The following OR6C75 variants were observed in gnomAD, a reference collection of about 807,000 sequenced individuals.
The protein encoded by OR6C75 is olfactory receptor family 6 subfamily C member 75.
For synonymous variants in OR6C75, 149 were observed against 130.6 expected, an observed-to-expected ratio of 1.14 and a Z score of -0.96; for missense variants, 380 against 368.0, an observed-to-expected ratio of 1.03 and a Z score of -0.27.
At chr12:55,364,678 A>G (rs1303981743) in intron 2 of OR6C75, among the ~76,000 whole-genome samples, 198 bp from the exon 3 acceptor site, 1 of 152,038 alleles carries the variant, frequency 6.6e-6, no homozygotes, top group Admixed American at 6.6e-5. Context: ...ATCTTTCTAT[A>G]TGTGTATATA....
rs1225631987 is a variant in OR6C75 at position 55,365,917 on chromosome 12, C to A, written c.807C>A (p.Ser269Arg). The A allele has an allele frequency of 2.5e-6, 4 of 1,613,712 alleles. No individual in the cohort carries two copies. The highest frequency in any genetic ancestry group is 3.4e-6 in the Non-Finnish European group (4 of 1,179,826). ...CTGCCAGAGAAAGGGTGACTTTAAG[C>A]AAAGGAGTAGCTGTGCTCAATACCT... Reference protein sequence around the residue: ...KTSARERVTLSKGVAVLNTSV... With the variant: ...KTSARERVTLRKGVAVLNTSV... The change falls in exon 3 of 3, where the codon AGC (serine) becomes AGA (arginine). Residue 269 changes from serine to arginine, a missense_variant. Transcript: ENST00000641576.
rs1295297414 is a variant in OR6C75 at position 55,365,700 on chromosome 12, C to T, written c.590C>T (p.Ala197Val). Reference protein sequence around the residue: ...CTNTHFLELMAFFLAVVTLMV... With the variant: ...CTNTHFLELMVFFLAVVTLMV... Reference sequence around the variant, plus strand: ...AACACTCACTTTCTAGAACTCATGGCATTTTTTTTAGCTGTGGTAACACTG... The same window carrying T: ...AACACTCACTTTCTAGAACTCATGGTATTTTTTTTAGCTGTGGTAACACTG... Residue 197 changes from alanine to valine, a missense_variant, in exon 3 of 3, where the codon GCA (alanine) becomes GTA (valine). Coordinates refer to ENST00000641576, the MANE Select transcript of OR6C75 (RefSeq NM_001005497.2). The T allele has an allele frequency of 6.2e-7, 1 of 1,613,862 alleles. No homozygotes were observed. The highest frequency in any genetic ancestry group is 8.5e-7 in the Non-Finnish European group (1 of 1,179,908).
chr12:55,364,852 A>AAT (rs200647431), intron 2 of OR6C75, 24 bp from the exon 3 acceptor site: 364 of 358,626 alleles, frequency 1.0e-3, no homozygotes, highest in African/African-American at 5.2e-3. Context: ...GAAGATATTG[A>AAT]ATATATATAT....
Position 55,366,168 on chromosome 12 carries a change from A to T in OR6C75, c.*119A>T. The T allele has an allele frequency of 1.6e-6, 1 of 617,552 alleles. No homozygotes were observed. The allele number at this position is 617,552 out of a possible 1,614,324, so 38.3% of individuals were successfully genotyped here. On this transcript the variant is annotated 3_prime_UTR_variant, in exon 3 of 3. Transcript: ENST00000641576. The stretch of plus-strand genomic sequence containing the variant: ...CACACTTTTAGTTAGACATAGTTAC[A>T]TATCATCAACACTTCTTAATGAAAT...
In OR6C75 at chr12:55,365,427, G is replaced by C. The variant is rs1169991420; in HGVS notation, c.317G>C (p.Gly106Ala). The change falls in exon 3 of 3, where the codon GGG (glycine) becomes GCG (alanine). Residue 106 changes from glycine to alanine, a missense_variant. Gly to Ala is a moderately conservative substitution (Grantham distance 60). Transcript: ENST00000641576. ...VAQLFFFIFL[G>A]VTEFYLLAAM... The stretch of plus-strand genomic sequence containing the variant: ...CAGCTATTTTTTTTCATCTTCTTGG[G>C]GGTGACAGAATTTTACCTTCTGGCT... 1 of 1,613,850 alleles carries C rather than the reference G, an allele frequency of 6.2e-7. No individual in the cohort carries two copies.
At chr12:55,364,286 A>AT (rs960611736) in intron 2 of OR6C75, among the ~76,000 whole-genome samples, 5 of 45,238 alleles carry the variant, frequency 1.1e-4, no homozygotes, top group Non-Finnish European at 2.6e-4. Context: ...CCTAAAGTTA[A>AT]TTTTTTTTAC....
In OR6C75 at chr12:55,365,938, T is replaced by C; in HGVS notation, c.828T>C (p.Asn276=). The C allele has an allele frequency of 6.2e-7, 1 of 1,613,658 alleles. No homozygotes were observed. Residue 276 remains asparagine (N), a synonymous_variant, in exon 3 of 3, where the codon AAT becomes AAC. Coordinates refer to ENST00000641576, the MANE Select transcript of OR6C75 (RefSeq NM_001005497.2). ...TAAGCAAAGGAGTAGCTGTGCTCAA[T>C]ACCTCAGTGGCTCCTCTCTTGAATC... ...VTLSKGVAVL[N]TSVAPLLNPF... is the part of the protein sequence containing the mutation.
intron 2 of OR6C75, 134 bp from the exon 3 acceptor site, chr12:55,364,742 A>G: frequency 5.6e-6 from 1 of 177,720 alleles, no homozygotes; most frequent in Admixed American, 5.6e-5. Context: ...CACATCCCAT[A>G]GTTACCTTCT....
rs375776998 is a variant in OR6C75 at position 55,366,028 on chromosome 12, G to A, written c.918G>A (p.Met306Ile). 6.4e-7 allele frequency: 1 copy of A among 1,566,438 alleles called. No individual in the cohort carries two copies. Among genetic ancestry groups the A allele is most frequent in the Non-Finnish European group, 8.6e-7 (1 of 1,159,560 alleles). The change falls in exon 3 of 3, where the codon ATG becomes ATA. Residue 306 changes from methionine to isoleucine, a missense_variant. Physicochemically the swap from Met to Ile is conservative, Grantham distance 10. Coordinates refer to ENST00000641576, the MANE Select transcript of OR6C75 (RefSeq NM_001005497.2). ...KQAFKSMVQK[M>I]IFSLNK ...CCTTCAAGAGCATGGTCCAGAAGAT[G>A]ATTTTTTCTTTAAATAAATGAATGT...
chr12:55,364,796 C>T (rs1392188551), intron 2 of OR6C75, 80 bp from the exon 3 acceptor site: 1 of 243,506 alleles, frequency 4.1e-6, no homozygotes, highest in Non-Finnish European at 7.8e-6. Flanking sequence ...TATACATTAG[C>T]TCTCTAGATT....
At position 55,365,364 on chromosome 12, in the gene OR6C75, C is replaced by G. The variant is rs201653062; in HGVS notation, c.254C>G (p.Thr85Arg). The change falls in exon 3 of 3, where the codon ACA becomes AGA. Residue 85 changes from threonine to arginine, a missense_variant. Coordinates refer to ENST00000641576, the MANE Select transcript of OR6C75 (RefSeq NM_001005497.2). ...CCCAGATTCCTTGTCACTGTTGTGA[C>G]AGGAAACAGAACCATTTCTTATAAT... The part of the protein sequence containing the change: ...CIPRFLVTVV[T>R]GNRTISYNGC... 1.1e-5 allele frequency: 17 copies of G among 1,613,924 alleles called. No individual in the cohort carries two copies. Among genetic ancestry groups the G allele is most frequent in the Non-Finnish European group, 1.4e-5 (16 of 1,179,958 alleles).
At position 55,366,624 on chromosome 12, in the gene OR6C75, A is replaced by G. The variant is rs1309512946; in HGVS notation, c.*575A>G. 6 of 152,140 alleles carry G rather than the reference A, an allele frequency of 3.9e-5. No homozygotes were observed. Among genetic ancestry groups the G allele is most frequent in the Admixed American group, 3.9e-4 (6 of 15,270 alleles). 9.4% of individuals were successfully genotyped at this position (152,140 alleles called of 1,614,324 possible). On this transcript the variant is annotated 3_prime_UTR_variant, in exon 3 of 3. Transcript: ENST00000641576. The stretch of plus-strand genomic sequence containing the variant: ...ACCAGGAAAAACATGTTATAAAACT[A>G]AAAGCATCATTAAAATGTCTCCTTG...
At chr12:55,364,123 C>G (rs923843069) in intron 2 of OR6C75, among the ~76,000 whole-genome samples, 3 of 150,152 alleles carry the variant, frequency 2.0e-5, no homozygotes, top group Non-Finnish European at 3.0e-5. Context: ...GGACTACAGG[C>G]GTGCGTCACC....
chr12:55,364,148 T>G (rs1352490487), intron 2 of OR6C75, among the ~76,000 whole-genome samples: 2 of 148,342 alleles, frequency 1.3e-5, no homozygotes, highest in Non-Finnish European at 3.0e-5. Context: ...CCGGCTAATT[T>G]TTTTGTATTT....
At chr12:55,364,292 T>G (rs1233892506) in intron 2 of OR6C75, among the ~76,000 whole-genome samples, 1 of 145,074 alleles carries the variant, frequency 6.9e-6, no homozygotes, top group East Asian at 2.0e-4. Context: ...GTTAATTTTT[T>G]TTACATTTAG....
At position 55,365,525 on chromosome 12, in the gene OR6C75, T is replaced by C. The variant is rs1437560090; in HGVS notation, c.415T>C (p.Cys139Arg). 6.2e-7 allele frequency: 1 copy of C among 1,614,084 alleles called. No homozygotes were observed. Among genetic ancestry groups the C allele is most frequent in the Admixed American group, 1.7e-5 (1 of 59,992 alleles). ...CACAATCATCATGAGCACCAGAGTGTGTACCCTTCTTGTCTTTAGCTCCTG... is the reference window on the plus strand; with the variant it reads ...CACAATCATCATGAGCACCAGAGTGCGTACCCTTCTTGTCTTTAGCTCCTG... ...HYTIIMSTRV[C>R]TLLVFSSWLA... Residue 139 changes from cysteine (C) to arginine (R), a missense_variant, in exon 3 of 3, where the codon TGT becomes CGT. Coordinates refer to ENST00000641576, the MANE Select transcript of OR6C75 (RefSeq NM_001005497.2).
intron 1 of OR6C75, among the ~76,000 whole-genome samples, 188 bp from the exon 2 acceptor site, chr12:55,363,605 T>C (rs1431536589): frequency 6.6e-6 from 1 of 152,022 alleles, no homozygotes; most frequent in Non-Finnish European, 1.5e-5. Context: ...GCTCTCTTTT[T>C]TTCTTTTCTT....
In OR6C75 at chr12:55,366,998, G is replaced by T. The variant is rs1222812950; in HGVS notation, c.*949G>T. The T allele has an allele frequency of 1.3e-5, 2 of 152,136 alleles. No homozygotes were observed. The allele number at this position is 152,136 out of a possible 1,614,324, so 9.4% of individuals were successfully genotyped here. A position where few individuals can be genotyped will look rare whatever the true frequency, so the allele number is the denominator to read the frequency against. ...CTGATATGATGAAGAAAATGACAAA[G>T]TAAGAGTCTACAATGGTGTGATACT... On this transcript the variant is annotated 3_prime_UTR_variant, in exon 3 of 3. Coordinates refer to ENST00000641576, the MANE Select transcript of OR6C75 (RefSeq NM_001005497.2).
rs1181047299 is a variant in OR6C75, at chr12:55,365,588, C to T, written c.478C>T (p.Leu160Phe). ...TCTGATCATCTTTCCACCAGTAATG[C>T]TTCTGCTGCAGTTGGATTTCTGTGC... ...GFLIIFPPVMLLLQLDFCASN... is the reference protein window; with the variant it reads ...GFLIIFPPVMFLLQLDFCASN... The change falls in exon 3 of 3, where the codon CTT becomes TTT. Residue 160 changes from leucine (L) to phenylalanine (F), a missense_variant. Leu to Phe is a conservative substitution (Grantham distance 22). Coordinates refer to ENST00000641576, the MANE Select transcript of OR6C75 (RefSeq NM_001005497.2). 2.5e-6 allele frequency: 4 copies of T among 1,613,898 alleles called. No individual in the cohort carries two copies. The highest frequency in any genetic ancestry group is 3.4e-6 in the Non-Finnish European group (4 of 1,179,996).
Sources: gnomAD v4.1 joint callset for allele counts (sites outside exome capture counted in the v4.1 genomes callset) on GRCh38, gnomAD v4.1.1 for gene constraint, MANE v1.5 for transcripts, NCBI Gene and HGNC (gene_info 2026-07-23, HGNC 2026-07-21) for gene names.